CNTN5: variants seen among roughly 807,000 people sequenced by gnomAD.
CNTN5 encodes the protein contactin-5.
A neutral mutation model predicts 129.1 loss-of-function variants in CNTN5; 77 were observed. The ratio of observed to expected loss-of-function variants is 0.60; its 90% CI spans 0.50 to 0.72. The LOEUF (loss-of-function observed/expected upper bound fraction) is 0.72. CNTN5 is among the 30% of genes least tolerant of loss of function. The probability of loss-of-function intolerance (pLI) is 0.00; values close to 1 mark genes in which losing one functional copy is unlikely to be tolerated. For missense variants in CNTN5, 1,478 were observed against 1,328.8 expected (o/e 1.11, Z -1.75); for synonymous variants, 509 against 465.6 (o/e 1.09, Z -1.20).
intron 13 of CNTN5, among the ~76,000 whole-genome samples, chr11:100,125,901 T>A (rs563177107): frequency 8.5e-5 from 13 of 152,260 alleles, no homozygotes; most frequent in African/African-American, 3.1e-4. Context: ...TGTTAGGTCA[T>A]TAATTTAAGA....
intron 1 of CNTN5, among the ~76,000 whole-genome samples, chr11:99,205,401 G>A (rs1859429238): frequency 1.3e-5 from 2 of 152,006 alleles, no homozygotes; most frequent in South Asian, 2.1e-4. Context: ...AGCTTACCGA[G>A]ACTTCCCTTA....
At chr11:99,607,699 C>T (rs1332509003) in intron 3 of CNTN5, among the ~76,000 whole-genome samples, 1 of 117,624 alleles carries the variant, frequency 8.5e-6, no homozygotes, top group Admixed American at 9.2e-5. Flanking sequence ...GGAACCAACC[C>T]AAATGTCCAA....
chr11:99,071,203 G>A (rs1203658211), intron 1 of CNTN5, among the ~76,000 whole-genome samples: 2 of 152,130 alleles, frequency 1.3e-5, no homozygotes, highest in East Asian at 3.9e-4. Context: ...ATATACTAGA[G>A]GTCACTCTAC....
At chr11:99,347,263 C>G (rs1937958678) in intron 2 of CNTN5, among the ~76,000 whole-genome samples, 1 of 152,134 alleles carries the variant, frequency 6.6e-6, no homozygotes, top group South Asian at 2.1e-4. Flanking sequence ...AGGAAAATCT[C>G]TGCCTTTTGT....
intron 3 of CNTN5, among the ~76,000 whole-genome samples, chr11:99,796,817 C>T (rs1471133875): frequency 1.3e-5 from 2 of 152,230 alleles, no homozygotes; most frequent in African/African-American, 4.8e-5. Context: ...CCTCTGGGTG[C>T]TACACTGGCT....
In CNTN5 at chr11:99,879,040, C is replaced by T. The variant is rs185520431; in HGVS notation, c.577+33778C>T. ...GCCACCTCTGCCTCCCGGGTCCAGG[C>T]GATTCTCCTGCCTCAGCCTCCCGAT... is the stretch of plus-strand genomic sequence containing the variant. On this transcript the variant is annotated intron_variant, in intron 6 of 24. Transcript: ENST00000524871. 1.3e-3 allele frequency among the ~76,000 whole-genome samples: 200 copies of T among 151,978 alleles called. 1 individual carries two copies. Among genetic ancestry groups the T allele is most frequent in the East Asian group, 5.5e-3 (28 of 5,090 alleles).
chr11:100,193,099 G>A (rs1948538397), intron 14 of CNTN5, among the ~76,000 whole-genome samples: 2 of 151,810 alleles, frequency 1.3e-5, no homozygotes, highest in South Asian at 4.2e-4. Context: ...AATTCTTCCT[G>A]AAACACATAA....
intron 2 of CNTN5, among the ~76,000 whole-genome samples, chr11:99,354,538 CTG>C (rs1938511527): frequency 6.6e-6 from 1 of 152,160 alleles, no homozygotes; most frequent in African/African-American, 2.4e-5. Context: ...GATGTTGTAA[CTG>C]GAAATAATAA....
At chr11:99,973,218 A>T (rs1937694570) in intron 8 of CNTN5, among the ~76,000 whole-genome samples, 1 of 152,144 alleles carries the variant, frequency 6.6e-6, no homozygotes, top group Non-Finnish European at 1.5e-5. Context: ...TCAGATTATG[A>T]AACGTCTGAC....
At chr11:99,537,532 T>C (rs1947945891) in intron 2 of CNTN5, among the ~76,000 whole-genome samples, 1 of 152,128 alleles carries the variant, frequency 6.6e-6, no homozygotes, top group African/African-American at 2.4e-5. Context: ...GGTGTTCTTA[T>C]AACTAAGCAC....
intron 7 of CNTN5, among the ~76,000 whole-genome samples, chr11:99,930,266 A>C (rs1475173812): frequency 1.3e-5 from 2 of 152,194 alleles, no homozygotes; most frequent in African/African-American, 4.8e-5. Flanking sequence ...ATATATTCTC[A>C]GAAAAAGGTC....
intron 3 of CNTN5, among the ~76,000 whole-genome samples, chr11:99,596,188 TG>T (rs1311576416): frequency 1.3e-5 from 2 of 152,126 alleles, no homozygotes; most frequent in East Asian, 3.9e-4. Flanking sequence ...TTCAGGACTT[TG>T]CTAAAAATTA....
At chr11:99,595,388 A>T (rs1950095435) in intron 3 of CNTN5, among the ~76,000 whole-genome samples, 1 of 152,126 alleles carries the variant, frequency 6.6e-6, no homozygotes, top group Non-Finnish European at 1.5e-5. Context: ...ATTTTTATGT[A>T]TTTCCTTAGT....
chr11:99,292,241 A>T (rs957204150), intron 1 of CNTN5, among the ~76,000 whole-genome samples: 5 of 120,348 alleles, frequency 4.2e-5, no homozygotes, highest in African/African-American at 9.5e-5. Context: ...TATATATAAA[A>T]GCTTACAAAG....
At chr11:100,029,332 C>G (rs1465208335) in intron 9 of CNTN5, among the ~76,000 whole-genome samples, 1 of 152,152 alleles carries the variant, frequency 6.6e-6, no homozygotes. Flanking sequence ...CCTGTAATCC[C>G]AGCACTTTGG....
At chr11:99,092,954 A>G (rs1866314870) in intron 1 of CNTN5, among the ~76,000 whole-genome samples, 1 of 152,088 alleles carries the variant, frequency 6.6e-6, no homozygotes, top group Non-Finnish European at 1.5e-5. Flanking sequence ...AATGCCAAAA[A>G]TGGCAACTTT....
chr11:100,118,784 A>G (rs1945921019), intron 13 of CNTN5, among the ~76,000 whole-genome samples: 1 of 151,868 alleles, frequency 6.6e-6, no homozygotes, highest in South Asian at 2.1e-4. Flanking sequence ...AAGAATACCC[A>G]TCTTTTTAAA....
intron 1 of CNTN5, among the ~76,000 whole-genome samples, chr11:99,267,351 T>C (rs1267641092): frequency 6.6e-6 from 1 of 152,020 alleles, no homozygotes; most frequent in East Asian, 1.9e-4. Flanking sequence ...ATATGGAAAA[T>C]GGAATGATGA....
At chr11:100,110,677 T>C (rs369962461) in intron 13 of CNTN5, among the ~76,000 whole-genome samples, 93 of 152,338 alleles carry the variant, frequency 6.1e-4, no homozygotes, top group African/African-American at 2.1e-3. Flanking sequence ...TATTTGCTTA[T>C]CAATTGTACC....
Sources: allele counts gnomAD v4.1 joint callset (sites outside exome capture counted in the v4.1 genomes callset), GRCh38; gene constraint gnomAD v4.1.1; transcripts MANE v1.5; gene names NCBI Gene and HGNC (gene_info 2026-07-23, HGNC 2026-07-21).